The following AOX1 variants were observed in gnomAD, a reference collection of about 807,000 sequenced individuals.
The protein encoded by AOX1 is aldehyde oxidase 1, also known as aldehyde oxidase.
Under a neutral mutation model 169.5 loss-of-function variants are expected in AOX1, and 153 were observed. The ratio of observed to expected loss-of-function variants is 0.90; its 90% CI spans 0.79 to 1.03. The LOEUF (loss-of-function observed/expected upper bound fraction) is 1.03, where lower values mean the gene tolerates loss of function less well. Among genes scored for constraint, AOX1 ranks in the 50% least tolerant of loss-of-function variants. The pLI, the probability that AOX1 is intolerant of heterozygous loss-of-function variation, is 0.00. For missense variants in AOX1, 1,656 were observed against 1,663.9 expected, an observed-to-expected ratio of 1.00 and a Z score of 0.08; for synonymous variants, 562 against 581.9, an observed-to-expected ratio of 0.97 and a Z score of 0.49.
chr2:200,611,258 A>G (rs1250572548), intron 12 of AOX1, 126 bp from the exon 13 acceptor site: 1 of 700,168 alleles, frequency 1.4e-6, no homozygotes, highest in Non-Finnish European at 2.6e-6. Context: ...TGCGAAGCAT[A>G]GGAAGAGCAC....
At chr2:200,626,422 G>A (rs1378858083) in intron 19 of AOX1, among the ~76,000 whole-genome samples, 1 of 152,210 alleles carries the variant, frequency 6.6e-6, no homozygotes, top group Non-Finnish European at 1.5e-5. Context: ...TTTCATGGAT[G>A]GACAATAACC....
chr2:200,593,692 C>T (rs751422656), intron 2 of AOX1, among the ~76,000 whole-genome samples: 23 of 152,248 alleles, frequency 1.5e-4, no homozygotes, highest in South Asian at 2.1e-4. Flanking sequence ...GGCTACCCGA[C>T]GGTGAAAGAC....
chr2:200,608,013 T>G (rs1574916726), intron 10 of AOX1, among the ~76,000 whole-genome samples: 1 of 152,174 alleles, frequency 6.6e-6, no homozygotes, highest in East Asian at 1.9e-4. Context: ...AAATACCTAA[T>G]GCATGCAAGG....
chr2:200,591,070 T>G (rs1229413941), intron 1 of AOX1, among the ~76,000 whole-genome samples: 1 of 152,216 alleles, frequency 6.6e-6, no homozygotes, highest in Admixed American at 6.5e-5. Flanking sequence ...CCCAAGTCTA[T>G]GAGAAATTCC....
intron 2 of AOX1, 120 bp downstream of exon 2, chr2:200,593,323 G>T: frequency 1.2e-6 from 1 of 811,162 alleles, no homozygotes; most frequent in Non-Finnish European, 2.0e-6. Flanking sequence ...CTACTATCAT[G>T]GTTTTATGCT....
intron 27 of AOX1, among the ~76,000 whole-genome samples, chr2:200,658,774 G>A (rs1001671041): frequency 6.6e-6 from 1 of 152,146 alleles, no homozygotes; most frequent in Non-Finnish European, 1.5e-5. Flanking sequence ...CCAGAAATGT[G>A]GATAGGAGAT....
intron 4 of AOX1, among the ~76,000 whole-genome samples, chr2:200,676,593 A>C (rs111464535): frequency 3.8e-5 from 5 of 130,632 alleles, no homozygotes; most frequent in South Asian, 2.7e-4. Flanking sequence ...GAGTGAGACT[A>C]CATCTCAAAA....
At chr2:200,612,161 G>A (rs2034653700) in intron 13 of AOX1, among the ~76,000 whole-genome samples, 1 of 152,112 alleles carries the variant, frequency 6.6e-6, no homozygotes, top group East Asian at 1.9e-4. Flanking sequence ...AAATACATTT[G>A]CAATAGAACT....
Position 200,669,655 on chromosome 2 carries a change from G to A in AOX1, c.3879G>A (p.Glu1293=), listed in dbSNP as rs1328844267. 1.9e-6 allele frequency: 3 copies of A among 1,613,926 alleles called. No homozygotes were observed. The highest frequency in any genetic ancestry group is 2.5e-6 in the Non-Finnish European group (3 of 1,180,014). ...ACGCAGTGAGTGCAGCACGACAGGA[G>A]AGAGGCCTGCATGGACCCTTGACCC... is the stretch of plus-strand genomic sequence containing the variant. ...IHDAVSAARQ[E]RGLHGPLTLN... Residue 1293 remains glutamate (E), a synonymous_variant, in exon 34 of 35, where the codon GAG becomes GAA. Transcript: ENST00000374700.
chr2:200,607,133 C>A (rs1314722101), intron 10 of AOX1, among the ~76,000 whole-genome samples: 1 of 152,080 alleles, frequency 6.6e-6, no homozygotes, highest in Non-Finnish European at 1.5e-5. Context: ...ACAAATAGCT[C>A]TTATTATTTT....
In AOX1 at chr2:200,656,838, T is replaced by G. The variant is rs201377782; in HGVS notation, c.3076-4T>G. 741 of 1,549,080 alleles carry G rather than the reference T, an allele frequency of 4.8e-4. 3 individuals carry two copies. Among genetic ancestry groups the G allele is most frequent in the Non-Finnish European group, 1.0e-4 (119 of 1,146,664 alleles). On this transcript the variant is annotated splice_polypyrimidine_tract_variant and splice_region_variant and intron_variant, in intron 26 of 34. Coordinates refer to ENST00000374700, the MANE Select transcript of AOX1 (RefSeq NM_001159.4). ...CAGAAACAGTTTTCGTCTTTTCTGCTCAGGCTGCTGCCTTGGTTCACATTT... is the reference window on the plus strand; with the variant it reads ...CAGAAACAGTTTTCGTCTTTTCTGCGCAGGCTGCTGCCTTGGTTCACATTT...
intron 32 of AOX1, among the ~76,000 whole-genome samples, chr2:200,668,325 T>C (rs1447375512): frequency 1.3e-5 from 2 of 152,046 alleles, no homozygotes; most frequent in African/African-American, 4.8e-5. Flanking sequence ...GTCAGGCTGG[T>C]CTCAAACTCC....
downstream of AOX1, chr2:200,678,350 A>T (rs1358668202): frequency 6.6e-6 from 1 of 152,262 alleles, no homozygotes; most frequent in Non-Finnish European, 1.5e-5. Flanking sequence ...AAAAGTGTAT[A>T]GCTACCCAAT....
chr2:200,635,993 T>C (rs1482473242), intron 21 of AOX1, among the ~76,000 whole-genome samples: 2 of 151,952 alleles, frequency 1.3e-5, no homozygotes, highest in African/African-American at 2.4e-5. Context: ...TTCCCATCTG[T>C]AAGAATCAAT....
intron 31 of AOX1, among the ~76,000 whole-genome samples, chr2:200,664,625 A>G (rs537797197): frequency 2.6e-5 from 4 of 152,220 alleles, no homozygotes; most frequent in Non-Finnish European, 4.4e-5. Flanking sequence ...ATATAGCCTC[A>G]TCAGATGCCT....
chr2:200,603,941 A>G (rs1034349024), intron 7 of AOX1, 76 bp from the exon 8 acceptor site: 28 of 998,128 alleles, frequency 2.8e-5, no homozygotes, highest in Admixed American at 5.4e-5. Context: ...CTGTGTATCT[A>G]TATCTTTTGA....
chr2:200,657,188 A>ATTTTTTTTTTTTTT (rs1309414882), intron 27 of AOX1, among the ~76,000 whole-genome samples: 4 of 68,612 alleles, frequency 5.8e-5, no homozygotes, highest in African/African-American at 2.8e-4. Context: ...ATATATATAT[A>ATTTTTTTTTTTTTT]TATTTTTTTT....
intron 2 of AOX1, among the ~76,000 whole-genome samples, chr2:200,594,822 CT>C (rs1163484136): frequency 1.8e-4 from 27 of 152,184 alleles, no homozygotes; most frequent in Middle Eastern, 3.2e-3. Context: ...CAGATGGCAG[CT>C]TTTGCGACTG....
At chr2:200,613,725 C>G in intron 14 of AOX1, 79 bp from the exon 15 acceptor site, 1 of 1,359,590 alleles carries the variant, frequency 7.4e-7, no homozygotes, top group Non-Finnish European at 1.0e-6. Flanking sequence ...TAAACTATGG[C>G]TATTTGTCTT....
Sources: gnomAD v4.1 joint callset for allele counts (sites outside exome capture counted in the v4.1 genomes callset) on GRCh38, gnomAD v4.1.1 for gene constraint, MANE v1.5 for transcripts, NCBI Gene and HGNC (gene_info 2026-07-23, HGNC 2026-07-21) for gene names.